Variants in HNF4G observed in about 807,000 individuals in gnomAD.
HNF4G encodes hepatocyte nuclear factor 4-gamma.
A neutral mutation model predicts 50.9 loss-of-function variants in HNF4G; 21 were observed. The ratio of observed to expected loss-of-function variants is 0.41; its 90% CI spans 0.29 to 0.59. The LOEUF (loss-of-function observed/expected upper bound fraction) is 0.59. Among genes scored for constraint, HNF4G ranks in the 20% least tolerant of loss-of-function variants. The pLI is 0.26. For synonymous variants in HNF4G, 198 were observed against 185.6 expected (o/e 1.07, Z -0.54); for missense variants, 527 against 559.4 (o/e 0.94, Z 0.58).
rs1342693898 is a variant in HNF4G at position 75,515,105 on chromosome 8, T to C, written c.-24+24897T>C. 3.3e-5 allele frequency among the ~76,000 whole-genome samples: 5 copies of C among 152,200 alleles called. No homozygotes were observed. The East Asian group carries it at 9.6e-4, about 29-fold the overall frequency. On this transcript the variant is annotated intron_variant, in intron 2 of 10. Coordinates refer to the HNF4G transcript ENST00000354370. Reference sequence around the variant, plus strand: ...TCAACAATGTCTATGTATTGCTTTGTTTACTAGTCTTTCCAGTGTTCCATT... The same window carrying C: ...TCAACAATGTCTATGTATTGCTTTGCTTACTAGTCTTTCCAGTGTTCCATT...
chr8:75,495,260 A>G (rs936251167), intron 2 of HNF4G: 1 of 152,194 alleles, frequency 6.6e-6, no homozygotes, highest in Non-Finnish European at 1.5e-5. Context: ...ACTTTAATAC[A>G]GGTGTAATAT....
chr8:75,425,062 C>CTATTTATTTATTTATTTATT (rs71271860), intron 1 of HNF4G, among the ~76,000 whole-genome samples: 20 of 142,640 alleles, frequency 1.4e-4, no homozygotes, highest in South Asian at 4.6e-4. Flanking sequence ...TCAATGCAGC[C>CTATTTATTTATTTATTTATT]TATTTATTTA....
intron 2 of HNF4G, among the ~76,000 whole-genome samples, chr8:75,509,400 G>A (rs1167080270): frequency 1.3e-5 from 2 of 152,152 alleles, no homozygotes; most frequent in Non-Finnish European, 2.9e-5. Context: ...TAAAGACTGG[G>A]GAGACTAACA....
rs73331871 is a variant in HNF4G at position 75,559,816 on chromosome 8, A to G, written c.1124-528A>G. On this transcript the variant is annotated intron_variant, in intron 8 of 9. Transcript: ENST00000396423. The stretch of plus-strand genomic sequence containing the variant: ...TGAACATTGTGCTCCTGAAATAATT[A>G]ATTGACACAAAATAGTAGAAAGGGA... 7.7e-3 allele frequency among the ~76,000 whole-genome samples: 1,171 copies of G among 152,284 alleles called. 19 individuals are homozygous for G. The highest frequency in any genetic ancestry group is 0.027 in the African/African-American group (1,102 of 41,550).
intron 2 of HNF4G, among the ~76,000 whole-genome samples, chr8:75,493,336 C>A (rs1812679712): frequency 6.6e-6 from 1 of 152,202 alleles, no homozygotes; most frequent in African/African-American, 2.4e-5. Flanking sequence ...GCTTCCCCAT[C>A]CTGAAGAGTG....
intron 1 of HNF4G, among the ~76,000 whole-genome samples, chr8:75,444,246 C>G (rs1362995592): frequency 6.6e-6 from 1 of 151,716 alleles, no homozygotes; most frequent in Admixed American, 6.6e-5. Context: ...TTTGTCACCA[C>G]CAAGCCTGCC....
At chr8:75,418,820 C>G (rs909693052) in intron 1 of HNF4G, among the ~76,000 whole-genome samples, 1 of 151,348 alleles carries the variant, frequency 6.6e-6, no homozygotes. Flanking sequence ...CTCCGCCTCC[C>G]GGGTTCAAGC....
Position 75,564,012 on chromosome 8 carries a change from C to A in HNF4G, c.1284C>A (p.Gly428=). ...CCCCACTCCCTTCCCCACCACAAGG[C>A]TCTGGGCAAGAACAGTACAAAATAG... ...PETPLPSPPQ[G]SGQEQYKIAA... The change falls in exon 10 of 10, where the codon GGC becomes GGA. Residue 428 remains glycine, a synonymous_variant. Transcript: ENST00000396423. The A allele has an allele frequency of 6.2e-7, 1 of 1,613,676 alleles. No individual in the cohort carries two copies. Among genetic ancestry groups the A allele is most frequent in the Non-Finnish European group, 8.5e-7 (1 of 1,179,662 alleles).
chr8:75,515,854 C>G (rs189134763), intron 2 of HNF4G, among the ~76,000 whole-genome samples: 6 of 151,166 alleles, frequency 4.0e-5, no homozygotes, highest in Non-Finnish European at 7.4e-5. Flanking sequence ...CAACCTCCCC[C>G]TCCTGGGTTT....
intron 2 of HNF4G, among the ~76,000 whole-genome samples, chr8:75,526,074 A>C (rs1806170049): frequency 1.3e-5 from 2 of 152,016 alleles, no homozygotes. Context: ...TTATTTGCAG[A>C]TTCCATATTT....
intron 1 of HNF4G, among the ~76,000 whole-genome samples, chr8:75,468,440 A>T (rs1342410614): frequency 6.6e-6 from 1 of 152,200 alleles, no homozygotes; most frequent in Middle Eastern, 3.2e-3. Context: ...TCATGCCTGT[A>T]ATCCCAGCAC....
chr8:75,433,294 G>A lies in HNF4G; in HGVS notation c.-144+25132G>A, dbSNP rs55865923. ...ATGGTGATGTGCACCCATAGTTTTA[G>A]CCACTCAGGAGGCTGAGGCAGAGGA... On this transcript the variant is annotated intron_variant, in intron 1 of 10. Coordinates refer to the HNF4G transcript ENST00000354370. Among the ~76,000 whole-genome samples, 1,434 of 151,796 alleles carry A rather than the reference G, an allele frequency of 9.4e-3. 26 individuals are homozygous for A. The highest frequency in any genetic ancestry group is 0.032 in the African/African-American group (1,317 of 41,390).
chr8:75,449,782 C>G (rs1811542178), intron 1 of HNF4G, among the ~76,000 whole-genome samples: 1 of 152,242 alleles, frequency 6.6e-6, no homozygotes, highest in South Asian at 2.1e-4. Context: ...GCTGGGATTA[C>G]AGGCATGAGC....
chr8:75,418,043 G>A (rs559575348), intron 1 of HNF4G, among the ~76,000 whole-genome samples: 2 of 152,066 alleles, frequency 1.3e-5, no homozygotes, highest in Non-Finnish European at 2.9e-5. Context: ...AATGGGCCAC[G>A]TACTGGGTGG....
intron 2 of HNF4G, among the ~76,000 whole-genome samples, chr8:75,527,847 C>T (rs1806224334): frequency 6.6e-6 from 1 of 152,108 alleles, no homozygotes; most frequent in African/African-American, 2.4e-5. Flanking sequence ...TTCTCCTTTT[C>T]TGTGTAAATT....
At chr8:75,501,164 C>T (rs546506161) in intron 2 of HNF4G, among the ~76,000 whole-genome samples, 40 of 152,122 alleles carry the variant, frequency 2.6e-4, no homozygotes, top group African/African-American at 8.9e-4. Flanking sequence ...TTACAGCTGG[C>T]CAAGGTGGCT....
At chr8:75,549,264 G>GGAAAC (rs1376431804) in intron 3 of HNF4G, among the ~76,000 whole-genome samples, 23 of 152,184 alleles carry the variant, frequency 1.5e-4, no homozygotes, top group Non-Finnish European at 2.5e-4. Context: ...TTAATTAGAT[G>GGAAAC]GAAACAAATA....
intron 1 of HNF4G, among the ~76,000 whole-genome samples, chr8:75,435,703 C>T (rs1204604921): frequency 1.3e-5 from 2 of 152,190 alleles, no homozygotes; most frequent in African/African-American, 2.4e-5. Flanking sequence ...AAGCAATTCT[C>T]CTGACTCAGC....
At chr8:75,551,317 C>G (rs1806946303) in intron 3 of HNF4G, 71 bp from the exon 4 acceptor site, 1 of 772,064 alleles carries the variant, frequency 1.3e-6, no homozygotes. Context: ...AAAAAAAAAA[C>G]TCCTTAAAAT....
Sources: gnomAD v4.1 joint callset for allele counts (sites outside exome capture counted in the v4.1 genomes callset) on GRCh38, gnomAD v4.1.1 for gene constraint, MANE v1.5 for transcripts, NCBI Gene and HGNC (gene_info 2026-07-23, HGNC 2026-07-21) for gene names.